The following FSTL5 variants were observed in gnomAD, a reference collection of about 807,000 sequenced individuals.
FSTL5 encodes follistatin like 5, also known as follistatin-related protein 5.
FSTL5 carries 62 observed loss-of-function variants against 89.1 expected under a neutral mutation model. The ratio of observed to expected loss-of-function variants is 0.70; its 90% CI spans 0.57 to 0.86. The LOEUF (loss-of-function observed/expected upper bound fraction) is 0.86. Among genes scored for constraint, FSTL5 ranks in the 40% least tolerant of loss-of-function variants. The probability of loss-of-function intolerance (pLI) is 0.00; values close to 1 mark genes in which losing one functional copy is unlikely to be tolerated. For missense variants in FSTL5, 1,057 were observed against 1,001.6 expected (o/e 1.06, Z -0.75); for synonymous variants, 383 against 346.2 (o/e 1.11, Z -1.18).
rs78034953 is a variant in FSTL5 at position 161,886,837 on chromosome 4, T to C, written c.409+33567A>G. Among the ~76,000 whole-genome samples the C allele has an allele frequency of 5.3e-3, 808 of 152,316 alleles. 9 individuals carry two copies. Among genetic ancestry groups the C allele is most frequent in the African/African-American group, 0.018 (769 of 41,578 alleles). On this transcript the variant is annotated intron_variant, in intron 4 of 15. Coordinates refer to ENST00000306100, the MANE Select transcript of FSTL5 (RefSeq NM_020116.5). ...GCACATGCTAAATATGATATTGAAA[T>C]ACATCACAAATATTTCTATAGCAAT...
At chr4:161,843,183 A>AC in intron 4 of FSTL5, among the ~76,000 whole-genome samples, 1 of 152,112 alleles carries the variant, frequency 6.6e-6, no homozygotes, top group Non-Finnish European at 1.5e-5. Flanking sequence ...GGTTCTAAAA[A>AC]GTTAGGTGAT....
intron 15 of FSTL5, among the ~76,000 whole-genome samples, chr4:161,444,609 T>C (rs1036421593): frequency 3.3e-5 from 5 of 151,964 alleles, no homozygotes; most frequent in African/African-American, 7.2e-5. Flanking sequence ...TTTATTAATA[T>C]TGGGGAGAGG....
Position 161,746,556 on chromosome 4 carries a change from G to T in FSTL5, c.727+12855C>A, listed in dbSNP as rs182329807. Among the ~76,000 whole-genome samples the T allele has an allele frequency of 2.5e-4, 38 of 152,212 alleles. No homozygotes were observed. The East Asian group carries it at 6.8e-3, about 27-fold the overall frequency. On this transcript the variant is annotated intron_variant, in intron 6 of 15. Coordinates refer to ENST00000306100, the MANE Select transcript of FSTL5 (RefSeq NM_020116.5). Reference sequence around the variant, plus strand: ...GGTTCCCACCATGGGCCAATTTCAGGTTACCAATGTGACATCAACATGATA... The same window carrying T: ...GGTTCCCACCATGGGCCAATTTCAGTTTACCAATGTGACATCAACATGATA...
chr4:162,055,140 G>C (rs1313669917), intron 2 of FSTL5, among the ~76,000 whole-genome samples: 2 of 151,746 alleles, frequency 1.3e-5, no homozygotes, highest in African/African-American at 2.4e-5. Flanking sequence ...TGCCTATGAT[G>C]TGCATCAAAT....
chr4:161,572,314 C>T (rs1052100683), intron 8 of FSTL5, among the ~76,000 whole-genome samples: 11 of 103,900 alleles, frequency 1.1e-4, no homozygotes, highest in African/African-American at 1.6e-4. Flanking sequence ...AGTGAGACTC[C>T]GTCTAAAAAA....
chr4:161,507,286 C>T (rs546481806), intron 11 of FSTL5, among the ~76,000 whole-genome samples: 1 of 151,746 alleles, frequency 6.6e-6, no homozygotes, highest in South Asian at 2.1e-4. Flanking sequence ...ACAAAATAAA[C>T]ATTAGAAAAT....
Position 161,460,949 on chromosome 4 carries a change from G to C in FSTL5, c.1609-1630C>G, listed in dbSNP as rs189265861. On this transcript the variant is annotated intron_variant, in intron 13 of 15. Coordinates refer to ENST00000306100, the MANE Select transcript of FSTL5 (RefSeq NM_020116.5). Reference sequence around the variant, plus strand: ...TAAGAGTGGTCACATTGCATACTCTGTATGTATTGCATACTCTGTATGTAT... The same window carrying C: ...TAAGAGTGGTCACATTGCATACTCTCTATGTATTGCATACTCTGTATGTAT... Among the ~76,000 whole-genome samples the C allele has an allele frequency of 2.3e-3, 352 of 151,034 alleles. 1 individual carries two copies. The highest frequency in any genetic ancestry group is 8.3e-3 in the African/African-American group (340 of 40,734).
intron 4 of FSTL5, among the ~76,000 whole-genome samples, chr4:161,910,617 T>G (rs1373961735): frequency 1.3e-5 from 2 of 152,138 alleles, no homozygotes; most frequent in African/African-American, 4.8e-5. Flanking sequence ...TGTGGCAAAT[T>G]AGGTCAGATA....
intron 11 of FSTL5, among the ~76,000 whole-genome samples, chr4:161,506,762 T>C (rs1730495542): frequency 6.6e-6 from 1 of 152,186 alleles, no homozygotes; most frequent in Non-Finnish European, 1.5e-5. Context: ...ATTGGAAACC[T>C]TGTATTACAG....
chr4:161,931,338 T>C (rs1028600552), intron 3 of FSTL5, among the ~76,000 whole-genome samples: 1 of 151,706 alleles, frequency 6.6e-6, no homozygotes. Context: ...GTGAATATAG[T>C]GTGAGTCAAA....
intron 11 of FSTL5, among the ~76,000 whole-genome samples, chr4:161,509,242 GC>G (rs1271168792): frequency 6.6e-6 from 1 of 152,198 alleles, no homozygotes. Context: ...GGTGGAGGTT[GC>G]AGTGCGCCGA....
intron 7 of FSTL5, among the ~76,000 whole-genome samples, chr4:161,641,145 C>A (rs1481022038): frequency 1.3e-5 from 2 of 152,120 alleles, no homozygotes; most frequent in African/African-American, 2.4e-5. Context: ...GCTAGAAATA[C>A]CTAAGGGAGC....
At chr4:162,039,687 C>A (rs1209390167) in intron 2 of FSTL5, among the ~76,000 whole-genome samples, 2 of 151,960 alleles carry the variant, frequency 1.3e-5, no homozygotes, top group Non-Finnish European at 2.9e-5. Context: ...AAGTTCATTT[C>A]TCTCATGGGA....
intron 13 of FSTL5, among the ~76,000 whole-genome samples, chr4:161,473,992 C>A (rs1734038498): frequency 6.6e-6 from 1 of 152,116 alleles, no homozygotes; most frequent in African/African-American, 2.4e-5. Flanking sequence ...TGTTATTTTG[C>A]TACATGTCTT....
chr4:162,041,008 T>C (rs1737930540), intron 2 of FSTL5, among the ~76,000 whole-genome samples: 1 of 151,902 alleles, frequency 6.6e-6, no homozygotes, highest in South Asian at 2.1e-4. Flanking sequence ...ACTCCAGAAT[T>C]CAATAGTCAG....
intron 4 of FSTL5, among the ~76,000 whole-genome samples, chr4:161,884,589 A>C (rs2126914522): frequency 6.6e-6 from 1 of 152,338 alleles, no homozygotes; most frequent in South Asian, 2.1e-4. Flanking sequence ...AGTTTCAGGT[A>C]GAAATTGAAA....
intron 15 of FSTL5, among the ~76,000 whole-genome samples, chr4:161,410,189 A>G (rs538492427): frequency 1.3e-5 from 2 of 152,368 alleles, no homozygotes; most frequent in African/African-American, 4.8e-5. Context: ...TAACTATTCT[A>G]AAAATACATG....
intron 7 of FSTL5, among the ~76,000 whole-genome samples, chr4:161,598,627 C>G (rs1734120140): frequency 6.6e-6 from 1 of 152,132 alleles, no homozygotes; most frequent in Non-Finnish European, 1.5e-5. Flanking sequence ...CCTTCTTTCT[C>G]TGTCCCAAGA....
chr4:162,160,223 C>T (rs991926910), intron 1 of FSTL5, among the ~76,000 whole-genome samples: 1 of 149,988 alleles, frequency 6.7e-6, no homozygotes, highest in African/African-American at 2.4e-5. Context: ...CATTGGAACT[C>T]TGAGTTTATC....
Sources: allele counts gnomAD v4.1 joint callset (sites outside exome capture counted in the v4.1 genomes callset), GRCh38; gene constraint gnomAD v4.1.1; transcripts MANE v1.5; gene names NCBI Gene and HGNC (gene_info 2026-07-23, HGNC 2026-07-21).